LRMDA: variants seen among roughly 807,000 people sequenced by gnomAD.
LRMDA encodes leucine rich melanocyte differentiation associated.
In LRMDA, 18 loss-of-function variants were observed where a neutral mutation model predicts 29.8. That is an observed-to-expected ratio of 0.60 (90% CI 0.42 to 0.90). LRMDA has a LOEUF of 0.90. Among genes scored for constraint, LRMDA ranks in the 40% least tolerant of loss-of-function variants. The pLI, the probability that LRMDA is intolerant of heterozygous loss-of-function variation, is 0.00. For synonymous variants in LRMDA, 125 were observed against 109.4 expected, an observed-to-expected ratio of 1.14 and a Z score of -0.89; for missense variants, 273 against 273.9, an observed-to-expected ratio of 1.00 and a Z score of 0.02.
chr10:76,196,827 G>A (rs754389), intron 5 of LRMDA, among the ~76,000 whole-genome samples: 5,254 of 152,268 alleles, frequency 0.035, 297 homozygotes, highest in African/African-American at 0.12. Context: ...TGATCTTGCC[G>A]TATTTCAACT....
chr10:76,272,506 G>T (rs7080671), intron 5 of LRMDA, among the ~76,000 whole-genome samples: 9,819 of 152,094 alleles, frequency 0.065, 857 homozygotes, highest in African/African-American at 0.2. Context: ...CATTAAATTC[G>T]GTTTACCTCT....
chr10:75,733,068 A>G (rs533468785), intron 2 of LRMDA, among the ~76,000 whole-genome samples: 1 of 152,230 alleles, frequency 6.6e-6, no homozygotes, highest in Non-Finnish European at 1.5e-5. Flanking sequence ...ACCAGTGTTC[A>G]TAGTAATCCA....
intron 5 of LRMDA, among the ~76,000 whole-genome samples, chr10:76,172,001 G>C (rs1370274246): frequency 6.6e-6 from 1 of 152,108 alleles, no homozygotes; most frequent in South Asian, 2.1e-4. Flanking sequence ...ATGATGGAAA[G>C]CAGAAAGGGA....
In LRMDA at chr10:75,742,086, G is replaced by T. The variant is rs190055599; in HGVS notation, c.132-293922G>T. Among the ~76,000 whole-genome samples, 296 of 152,302 alleles carry T rather than the reference G, an allele frequency of 1.9e-3. 1 individual carries two copies. Among genetic ancestry groups the T allele is most frequent in the Non-Finnish European group, 3.3e-3 (224 of 68,032 alleles). On this transcript the variant is annotated intron_variant, in intron 2 of 6. Coordinates refer to ENST00000611255, the MANE Select transcript of LRMDA (RefSeq NM_001305581.2). ...AAAAATACGTTTCTGTTGTTTGTGA[G>T]CCACCAGTGTATGGTGCTTTGTTAT...
chr10:76,246,561 C>T (rs553800421), intron 5 of LRMDA, among the ~76,000 whole-genome samples: 12 of 152,192 alleles, frequency 7.9e-5, no homozygotes, highest in African/African-American at 1.9e-4. Context: ...GAAAGCCGTA[C>T]GAATCCACAC....
chr10:76,103,378 G>A (rs1849427508), intron 5 of LRMDA, among the ~76,000 whole-genome samples: 1 of 152,202 alleles, frequency 6.6e-6, no homozygotes, highest in South Asian at 2.1e-4. Context: ...CAGTGGGAGA[G>A]TTTCCTCATC....
At chr10:76,114,154 C>T (rs1849626202) in intron 5 of LRMDA, among the ~76,000 whole-genome samples, 1 of 152,196 alleles carries the variant, frequency 6.6e-6, no homozygotes, top group Admixed American at 6.5e-5. Context: ...AGGCTGACAA[C>T]ACATTAATCA....
At chr10:76,016,342 T>A (rs1231332989) in intron 2 of LRMDA, among the ~76,000 whole-genome samples, 1 of 150,568 alleles carries the variant, frequency 6.6e-6, no homozygotes, top group Non-Finnish European at 1.5e-5. Flanking sequence ...GCCCAAATAC[T>A]CTGATTTTTT....
At chr10:76,088,546 TG>T (rs1302327482) in intron 5 of LRMDA, among the ~76,000 whole-genome samples, 1 of 152,204 alleles carries the variant, frequency 6.6e-6, no homozygotes, top group Admixed American at 6.5e-5. Context: ...AATATCTGGA[TG>T]GGAAGCCAGG....
chr10:76,284,246 T>C (rs1442530758), intron 5 of LRMDA, among the ~76,000 whole-genome samples: 1 of 152,154 alleles, frequency 6.6e-6, no homozygotes, highest in Non-Finnish European at 1.5e-5. Context: ...TTCTGCATTA[T>C]CCAGGTGGGC....
At chr10:76,090,702 G>T (rs1849217048) in intron 5 of LRMDA, among the ~76,000 whole-genome samples, 1 of 152,216 alleles carries the variant, frequency 6.6e-6, no homozygotes, top group South Asian at 2.1e-4. Flanking sequence ...CCCTAAAAAT[G>T]AAGGCACTTC....
At chr10:76,020,132 C>A (rs753207527) in intron 2 of LRMDA, among the ~76,000 whole-genome samples, 1 of 152,216 alleles carries the variant, frequency 6.6e-6, no homozygotes, top group Non-Finnish European at 1.5e-5. Context: ...GGCTGCTTGG[C>A]AGCTTTGCCT....
intron 5 of LRMDA, among the ~76,000 whole-genome samples, chr10:76,315,710 G>A (rs572373955): frequency 6.6e-6 from 1 of 152,318 alleles, no homozygotes; most frequent in East Asian, 1.9e-4. Flanking sequence ...AGGTCCCTGG[G>A]CGGAAGGGGG....
At chr10:75,499,818 G>T (rs1185602424) in intron 2 of LRMDA, among the ~76,000 whole-genome samples, 2 of 152,130 alleles carry the variant, frequency 1.3e-5, no homozygotes, top group Non-Finnish European at 2.9e-5. Flanking sequence ...TCTCCCCTAA[G>T]GTACCAAGGT....
intron 5 of LRMDA, among the ~76,000 whole-genome samples, chr10:76,273,041 A>AT (rs548548620): frequency 2.6e-5 from 4 of 151,240 alleles, no homozygotes; most frequent in African/African-American, 4.9e-5. Context: ...CTAACCACTT[A>AT]TTTTTTTTTC....
At chr10:76,225,936 C>T (rs1851949153) in intron 5 of LRMDA, among the ~76,000 whole-genome samples, 1 of 130,368 alleles carries the variant, frequency 7.7e-6, no homozygotes, top group Admixed American at 9.5e-5. Context: ...TCCAAATGTT[C>T]CTATTGTTCA....
intron 2 of LRMDA, among the ~76,000 whole-genome samples, chr10:75,874,481 T>C (rs754211474): frequency 1.3e-5 from 2 of 152,216 alleles, no homozygotes; most frequent in Admixed American, 6.5e-5. Flanking sequence ...TAAGCACATT[T>C]CTCTTTGTTA....
At chr10:76,180,845 A>G (rs1564677002) in intron 5 of LRMDA, among the ~76,000 whole-genome samples, 1 of 152,146 alleles carries the variant, frequency 6.6e-6, no homozygotes, top group Non-Finnish European at 1.5e-5. Context: ...TACTGCTTCC[A>G]GAAAGCTTTC....
At chr10:75,841,695 G>A (rs1844544096) in intron 2 of LRMDA, among the ~76,000 whole-genome samples, 3 of 152,208 alleles carry the variant, frequency 2.0e-5, no homozygotes, top group Admixed American at 2.0e-4. Flanking sequence ...ATGCCAAGAG[G>A]AAAGGAGGGT....
Sources: allele counts gnomAD v4.1 joint callset (sites outside exome capture counted in the v4.1 genomes callset), GRCh38; gene constraint gnomAD v4.1.1; transcripts MANE v1.5; gene names NCBI Gene and HGNC (gene_info 2026-07-23, HGNC 2026-07-21).